The following NBEA variants were observed in gnomAD, a reference collection of about 807,000 sequenced individuals.
The protein encoded by NBEA is neurobeachin, also known as lysosomal-trafficking regulator 2.
A neutral mutation model predicts 343.4 loss-of-function variants in NBEA; 44 were observed. The ratio of observed to expected loss-of-function variants is 0.13; its 90% CI spans 0.10 to 0.16. The LOEUF is 0.16. NBEA is among the 10% of genes least tolerant of loss of function. The probability of loss-of-function intolerance (pLI) is 1.00; values close to 1 mark genes in which losing one functional copy is unlikely to be tolerated. For synonymous variants in NBEA, 1,175 were observed against 1,238.7 expected (o/e 0.95, Z 1.08); for missense variants, 2,555 against 3,631.3 (o/e 0.70, Z 7.62).
chr13:35,273,899 G>A (rs2034375567), intron 34 of NBEA, among the ~76,000 whole-genome samples: 1 of 152,192 alleles, frequency 6.6e-6, no homozygotes, highest in Non-Finnish European at 1.5e-5. Flanking sequence ...AAAAAGTCCA[G>A]GACCAGACAG....
intron 40 of NBEA, among the ~76,000 whole-genome samples, chr13:35,468,757 A>G (rs775652075): frequency 6.0e-4 from 92 of 152,146 alleles, no homozygotes; most frequent in Non-Finnish European, 1.1e-3. Flanking sequence ...GACACATCCA[A>G]TAACTTAAAA....
chr13:35,384,504 C>G (rs938873157), intron 38 of NBEA, among the ~76,000 whole-genome samples: 14 of 148,858 alleles, frequency 9.4e-5, no homozygotes, highest in African/African-American at 3.4e-4. Flanking sequence ...CCATCAGCAT[C>G]TAGAACCTTG....
At chr13:35,265,758 A>G (rs570868961) in intron 34 of NBEA, among the ~76,000 whole-genome samples, 31 of 152,084 alleles carry the variant, frequency 2.0e-4, no homozygotes, top group African/African-American at 7.2e-4. Context: ...TGAAACTACT[A>G]GAAGAAAATA....
In NBEA at chr13:34,942,920, G is replaced by C. The variant is rs761480488; in HGVS notation, c.100G>C (p.Gly34Arg). Residue 34 changes from glycine (G) to arginine (R), a missense_variant, in exon 1 of 59, where the codon GGT becomes CGT. Gly to Arg is a moderately radical substitution (Grantham distance 125, BLOSUM62 -2). Coordinates refer to ENST00000379939, the MANE Select transcript of NBEA (RefSeq NM_001385012.1). ...AAGGGGGGSG[G>R]GGTGGSGMGE... ...TGGCGGAGGCGGCGGGGGCAGCGGT[G>C]GTGGCGGCACCGGGGGCAGCGGGAT... 1 of 1,527,342 alleles carries C rather than the reference G, an allele frequency of 6.5e-7. No homozygotes were observed. The highest frequency in any genetic ancestry group is 1.9e-5 in the Admixed American group (1 of 51,456). The allele number at this position is 1,527,342 out of a possible 1,614,324, so 94.6% of individuals were successfully genotyped here. A position where few individuals can be genotyped will look rare whatever the true frequency, so the allele number is the denominator to read the frequency against.
At chr13:35,546,200 A>T (rs959181096) in intron 41 of NBEA, among the ~76,000 whole-genome samples, 1 of 152,230 alleles carries the variant, frequency 6.6e-6, no homozygotes, top group Non-Finnish European at 1.5e-5. Context: ...AATCATTTTC[A>T]TGTGCAGAAT....
At chr13:35,593,255 G>C in intron 46 of NBEA, 73 bp from the exon 47 acceptor site, 2 of 1,525,092 alleles carry the variant, frequency 1.3e-6, no homozygotes, top group Non-Finnish European at 1.8e-6. Flanking sequence ...TTTCAAGATA[G>C]CCATGTTTCA....
intron 48 of NBEA, among the ~76,000 whole-genome samples, chr13:35,611,884 T>C (rs2082537434): frequency 6.6e-6 from 1 of 152,220 alleles, no homozygotes; most frequent in Admixed American, 6.5e-5. Flanking sequence ...ATATACAAAT[T>C]TCTATGTGAA....
intron 25 of NBEA, among the ~76,000 whole-genome samples, chr13:35,169,571 A>G (rs1435445116): frequency 2.6e-5 from 4 of 151,654 alleles, no homozygotes; most frequent in African/African-American, 9.7e-5. Flanking sequence ...ACTCAAAACC[A>G]TTAAATAATG....
At chr13:35,182,154 C>G (rs535505237) in intron 28 of NBEA, among the ~76,000 whole-genome samples, 1 of 151,222 alleles carries the variant, frequency 6.6e-6, no homozygotes, top group South Asian at 2.1e-4. Flanking sequence ...AAATTACATT[C>G]CAACCTGTAG....
intron 36 of NBEA, among the ~76,000 whole-genome samples, chr13:35,333,691 C>T (rs2039070767): frequency 6.6e-6 from 1 of 152,036 alleles, no homozygotes; most frequent in African/African-American, 2.4e-5. Context: ...TCTCCAACTC[C>T]TCAATACCTT....
chr13:35,361,461 A>G (rs999122254), intron 38 of NBEA, among the ~76,000 whole-genome samples: 2 of 152,128 alleles, frequency 1.3e-5, no homozygotes, highest in African/African-American at 4.8e-5. Context: ...TTTTCAGCAA[A>G]TAGTGCAGGA....
chr13:35,337,684 A>G (rs990913108), intron 36 of NBEA, among the ~76,000 whole-genome samples: 1 of 152,148 alleles, frequency 6.6e-6, no homozygotes, highest in Non-Finnish European at 1.5e-5. Flanking sequence ...GTTCTTCACA[A>G]GTGCACATGA....
rs1397948645 is a variant in NBEA at position 35,422,447 on chromosome 13, T to C, written c.6180-9822T>C. Among the ~76,000 whole-genome samples the C allele has an allele frequency of 4.6e-5, 7 of 152,154 alleles. No individual in the cohort carries two copies. The South Asian group carries it at 6.2e-4, about 14-fold the overall frequency. On this transcript the variant is annotated intron_variant, in intron 38 of 58. Coordinates refer to ENST00000379939, the MANE Select transcript of NBEA (RefSeq NM_001385012.1). The stretch of plus-strand genomic sequence containing the variant: ...GTCTGCTGCGAATGATGGTTTCCAG[T>C]TTCATCCATGTCCCTACAAAGGACA...
intron 51 of NBEA, 96 bp downstream of exon 51, chr13:35,646,444 G>A: frequency 1.1e-6 from 1 of 880,472 alleles, no homozygotes; most frequent in Admixed American, 2.1e-5. Flanking sequence ...ATTTTAAAAG[G>A]CTTCTCGATT....
chr13:35,309,037 A>T (rs2037182838), intron 35 of NBEA, among the ~76,000 whole-genome samples: 1 of 152,050 alleles, frequency 6.6e-6, no homozygotes, highest in Non-Finnish European at 1.5e-5. Flanking sequence ...AATTAGCATT[A>T]AGTAATTTGG....
chr13:35,548,071 C>A (rs1385022363), intron 41 of NBEA, among the ~76,000 whole-genome samples: 1 of 152,048 alleles, frequency 6.6e-6, no homozygotes. Flanking sequence ...GTGAGAACAC[C>A]AGAACAGAGA....
Position 35,363,562 on chromosome 13 carries a change from T to C in NBEA, c.6179+11239T>C, listed in dbSNP as rs75362556. ...TTAGTTCATCTGCTAACAGTTCTTA[T>C]ATCTTTTGAGAAGATAAGGGAATTC... On this transcript the variant is annotated intron_variant, in intron 38 of 58. Transcript: ENST00000379939. Among the ~76,000 whole-genome samples the C allele has an allele frequency of 8.8e-3, 1,345 of 152,036 alleles. 21 individuals carry two copies. Among genetic ancestry groups the C allele is most frequent in the African/African-American group, 0.031 (1,277 of 41,550 alleles).
intron 41 of NBEA, among the ~76,000 whole-genome samples, chr13:35,499,570 T>C (rs1566227720): frequency 6.6e-6 from 1 of 152,082 alleles, no homozygotes; most frequent in South Asian, 2.1e-4. Flanking sequence ...GCTACCCTTA[T>C]TTGCTATTCC....
chr13:35,513,599 T>A (rs2077370193), intron 41 of NBEA, among the ~76,000 whole-genome samples: 1 of 152,112 alleles, frequency 6.6e-6, no homozygotes, highest in Non-Finnish European at 1.5e-5. Context: ...TTTTTTTAAA[T>A]ATATTTCTAA....
Sources: gnomAD v4.1 joint callset for allele counts (sites outside exome capture counted in the v4.1 genomes callset) on GRCh38, gnomAD v4.1.1 for gene constraint, MANE v1.5 for transcripts, NCBI Gene and HGNC (gene_info 2026-07-23, HGNC 2026-07-21) for gene names.